Variants in PRKG1 observed in about 807,000 individuals in gnomAD.
PRKG1 encodes protein kinase cGMP-dependent 1.
In PRKG1, 35 loss-of-function variants were observed where a neutral mutation model predicts 88.1. The ratio of observed to expected loss-of-function variants is 0.40; its 90% CI spans 0.30 to 0.53. PRKG1 has a LOEUF of 0.53. Ranked by LOEUF, PRKG1 falls within the 20% of genes least tolerant of loss-of-function variation. PRKG1 has a pLI of 0.59. For missense variants in PRKG1, 540 were observed against 839.8 expected (o/e 0.64, Z 4.41); for synonymous variants, 303 against 292.5 (o/e 1.04, Z -0.37).
chr10:51,367,690 G>A (rs868527234), intron 2 of PRKG1, among the ~76,000 whole-genome samples: 14 of 152,028 alleles, frequency 9.2e-5, no homozygotes, highest in African/African-American at 1.2e-4. Context: ...TGGAGTAGAA[G>A]AACTTCAAAG....
intron 3 of PRKG1, among the ~76,000 whole-genome samples, chr10:51,607,755 C>T (rs1329517909): frequency 6.6e-6 from 1 of 152,098 alleles, no homozygotes; most frequent in East Asian, 1.9e-4. Flanking sequence ...GCGGTACTAG[C>T]AGTGTATGTT....
At chr10:51,205,915 G>C (rs1838046707) in intron 2 of PRKG1, among the ~76,000 whole-genome samples, 1 of 152,106 alleles carries the variant, frequency 6.6e-6, no homozygotes, top group East Asian at 1.9e-4. Flanking sequence ...TAGTATACTT[G>C]TAAGGGTATA....
chr10:52,171,785 AATTTTTTT>A (rs1332767231), intron 9 of PRKG1, among the ~76,000 whole-genome samples: 2 of 122,642 alleles, frequency 1.6e-5, no homozygotes, highest in South Asian at 2.6e-4. Context: ...CTTTTATCAA[AATTTTTTT>A]TTTTTTTTTT....
intron 2 of PRKG1, among the ~76,000 whole-genome samples, chr10:51,232,746 G>A (rs1279140562): frequency 1.3e-5 from 2 of 152,098 alleles, no homozygotes; most frequent in African/African-American, 4.8e-5. Flanking sequence ...GCAAATTCTT[G>A]TCCTCCCCTG....
intron 9 of PRKG1, among the ~76,000 whole-genome samples, chr10:52,217,369 C>CAT (rs1840138244): frequency 7.2e-6 from 1 of 139,466 alleles, no homozygotes; most frequent in African/African-American, 2.6e-5. Context: ...TATATATACA[C>CAT]ATATACACAC....
intron 3 of PRKG1, among the ~76,000 whole-genome samples, chr10:51,483,547 T>C (rs1840434150): frequency 6.6e-6 from 1 of 152,216 alleles, no homozygotes; most frequent in Non-Finnish European, 1.5e-5. Context: ...AGGTGTAGAC[T>C]ATGCCTTAAT....
At chr10:51,503,911 A>G (rs926281712) in intron 3 of PRKG1, among the ~76,000 whole-genome samples, 1 of 152,174 alleles carries the variant, frequency 6.6e-6, no homozygotes, top group Admixed American at 6.6e-5. Flanking sequence ...TTAAACAAAT[A>G]ATCCAGAATT....
intron 1 of PRKG1, among the ~76,000 whole-genome samples, chr10:51,148,953 C>T (rs1351247461): frequency 6.6e-6 from 1 of 152,034 alleles, no homozygotes; most frequent in African/African-American, 2.4e-5. Context: ...TTATTGTAGT[C>T]TTCAAGGTCC....
intron 3 of PRKG1, among the ~76,000 whole-genome samples, chr10:51,766,118 G>C (rs1838155315): frequency 6.6e-6 from 1 of 152,054 alleles, no homozygotes; most frequent in Non-Finnish European, 1.5e-5. Context: ...AAATTAAGGA[G>C]CTCAGACACC....
chr10:51,762,899 G>C (rs887749733), intron 3 of PRKG1, among the ~76,000 whole-genome samples: 4 of 152,144 alleles, frequency 2.6e-5, no homozygotes, highest in Admixed American at 2.6e-4. Context: ...TATTTCCGTT[G>C]TATTTTAAGA....
At position 51,524,258 on chromosome 10, in the gene PRKG1, T is replaced by C. The variant is rs185930466; in HGVS notation, c.592+56422T>C. ...TTATGCAATCTCACGTATTTGTTTA[T>C]GGCAATCTGAGAATGAACCAATGCA... On this transcript the variant is annotated intron_variant, in intron 3 of 17. Coordinates refer to ENST00000373980, the MANE Select transcript of PRKG1 (RefSeq NM_006258.4). Among the ~76,000 whole-genome samples, 367 of 152,302 alleles carry C rather than the reference T, an allele frequency of 2.4e-3. 1 individual carries two copies. Among genetic ancestry groups the C allele is most frequent in the African/African-American group, 8.4e-3 (351 of 41,560 alleles).
At chr10:51,516,714 A>G (rs1589037934) in intron 3 of PRKG1, among the ~76,000 whole-genome samples, 6 of 152,366 alleles carry the variant, frequency 3.9e-5, no homozygotes, top group South Asian at 2.1e-4. Flanking sequence ...TGTCAAGTCA[A>G]TGAAGACCTG....
intron 5 of PRKG1, among the ~76,000 whole-genome samples, chr10:51,968,210 C>T (rs555540710): frequency 3.3e-5 from 5 of 152,204 alleles, no homozygotes; most frequent in South Asian, 4.2e-4. Flanking sequence ...ACATTATTCA[C>T]GCTGAAGATG....
chr10:51,060,253 G>T (rs1048290145), intron 1 of PRKG1, among the ~76,000 whole-genome samples: 2 of 151,816 alleles, frequency 1.3e-5, no homozygotes, highest in African/African-American at 4.8e-5. Flanking sequence ...GATAGTCTTT[G>T]TTTAGTAACT....
chr10:51,671,902 C>G (rs1840590552), intron 3 of PRKG1, among the ~76,000 whole-genome samples: 1 of 152,146 alleles, frequency 6.6e-6, no homozygotes, highest in African/African-American at 2.4e-5. Context: ...CAGCTCTACT[C>G]CAGTATGACC....
intron 3 of PRKG1, among the ~76,000 whole-genome samples, chr10:51,571,606 G>T (rs909715569): frequency 1.3e-5 from 2 of 151,894 alleles, no homozygotes; most frequent in Non-Finnish European, 2.9e-5. Context: ...GTACAGGCAG[G>T]TGAAAAGCTG....
At chr10:51,598,045 A>C (rs1010639518) in intron 3 of PRKG1, among the ~76,000 whole-genome samples, 63 of 152,192 alleles carry the variant, frequency 4.1e-4, no homozygotes, top group African/African-American at 1.4e-3. Flanking sequence ...TAAATCTAAA[A>C]AAACTAAGTA....
At chr10:52,266,656 CTTTG>C (rs754439920) in intron 10 of PRKG1, among the ~76,000 whole-genome samples, 1 of 151,906 alleles carries the variant, frequency 6.6e-6, no homozygotes, top group Non-Finnish European at 1.5e-5. Context: ...AAAGAAAACA[CTTTG>C]TTTGATACAT....
chr10:51,498,685 G>GT (rs1209327649), intron 3 of PRKG1, among the ~76,000 whole-genome samples: 3 of 152,134 alleles, frequency 2.0e-5, no homozygotes, highest in Non-Finnish European at 2.9e-5. Flanking sequence ...AGTGAAGCAA[G>GT]TTTTTTGTCC....
Sources: gnomAD v4.1 joint callset for allele counts (sites outside exome capture counted in the v4.1 genomes callset) on GRCh38, gnomAD v4.1.1 for gene constraint, MANE v1.5 for transcripts, NCBI Gene and HGNC (gene_info 2026-07-23, HGNC 2026-07-21) for gene names.